The following XKR9 variants were observed in gnomAD, a reference collection of about 807,000 sequenced individuals.
XKR9 encodes XK related 9, also known as XK-related protein 9.
Under a neutral mutation model 32.0 loss-of-function variants are expected in XKR9, and 32 were observed. The ratio of observed to expected loss-of-function variants is 1.00; its 90% CI spans 0.76 to 1.34. XKR9 has a LOEUF of 1.34. XKR9 is among the 40% of genes most tolerant of loss of function. XKR9 has a pLI of 0.00. For missense variants in XKR9, 546 were observed against 429.7 expected (o/e 1.27, Z -2.39); for synonymous variants, 168 against 143.4 (o/e 1.17, Z -1.22).
chr8:70,829,525 T>C, the XKR9 span, among the ~76,000 whole-genome samples: 1 of 152,346 alleles, frequency 6.6e-6, no homozygotes, highest in Middle Eastern at 3.4e-3. Flanking sequence ...CTTGGCTCAC[T>C]GCAAGCTCCG....
At chr8:70,888,200 G>A in the XKR9 span, among the ~76,000 whole-genome samples, 1 of 151,750 alleles carries the variant, frequency 6.6e-6, no homozygotes, top group African/African-American at 2.4e-5. Flanking sequence ...TCTTAGTGAT[G>A]TTGAGCATTT....
the XKR9 span, among the ~76,000 whole-genome samples, chr8:70,953,681 T>C: frequency 6.6e-6 from 1 of 152,104 alleles, no homozygotes; most frequent in Non-Finnish European, 1.5e-5. Flanking sequence ...ACTCTGTGAG[T>C]AGTCTTCCAT....
rs772216324 is a variant in XKR9, at chr8:70,734,094, G to A, written c.792G>A (p.Arg264=). The A allele has an allele frequency of 6.2e-7, 1 of 1,612,664 alleles. No homozygotes were observed. Among genetic ancestry groups the A allele is most frequent in the South Asian group, 1.1e-5 (1 of 90,982 alleles). Reference sequence around the variant, plus strand: ...GTATAAGTATGGAATTCTTATATAGGATTGTTGTTGGATTCATTCTTATCT... The same window carrying A: ...GTATAAGTATGGAATTCTTATATAGAATTGTTGTTGGATTCATTCTTATCT... ...CTCISMEFLY[R]IVVGFILIFT... Residue 264 remains arginine (R), a synonymous_variant, in exon 5 of 5, where the codon AGG becomes AGA. Coordinates refer to ENST00000408926, the MANE Select transcript of XKR9 (RefSeq NM_001011720.2).
chr8:70,960,738 G>T, the XKR9 span, among the ~76,000 whole-genome samples: 1 of 151,978 alleles, frequency 6.6e-6, no homozygotes, highest in Non-Finnish European at 1.5e-5. Flanking sequence ...TGAATGTAGT[G>T]GCAAGTGCCT....
chr8:70,821,582 C>T, the XKR9 span, among the ~76,000 whole-genome samples: 1 of 152,206 alleles, frequency 6.6e-6, no homozygotes, highest in African/African-American at 2.4e-5. Flanking sequence ...CCTAGACATC[C>T]AGGCATTTCC....
chr8:71,037,293 G>A, the XKR9 span, among the ~76,000 whole-genome samples: 2 of 151,912 alleles, frequency 1.3e-5, no homozygotes, highest in Non-Finnish European at 2.9e-5. Flanking sequence ...TCATATTATT[G>A]GAAGTCAATT....
chr8:70,945,301 C>T, the XKR9 span, among the ~76,000 whole-genome samples: 41 of 152,294 alleles, frequency 2.7e-4, no homozygotes, highest in East Asian at 5.4e-3. Flanking sequence ...GGGCATGAGT[C>T]ACCCTATGCC....
At chr8:70,983,393 T>C in the XKR9 span, among the ~76,000 whole-genome samples, 12 of 152,124 alleles carry the variant, frequency 7.9e-5, no homozygotes, top group Non-Finnish European at 1.5e-4. Context: ...AATTTCTTAT[T>C]AAATGTCTGT....
chr8:70,777,982 C>T (rs191149574), intron 2 of XKR9, among the ~76,000 whole-genome samples: 20 of 152,186 alleles, frequency 1.3e-4, no homozygotes, highest in Admixed American at 9.8e-4. Flanking sequence ...TCAATGTTGG[C>T]TTTTGTTGCC....
chr8:70,924,795 G>T, the XKR9 span, among the ~76,000 whole-genome samples: 1 of 152,184 alleles, frequency 6.6e-6, no homozygotes, highest in Non-Finnish European at 1.5e-5. Context: ...ATTGTTAAAA[G>T]TTACATTTCT....
At chr8:70,811,646 G>T in the XKR9 span, among the ~76,000 whole-genome samples, 1 of 152,180 alleles carries the variant, frequency 6.6e-6, no homozygotes, top group African/African-American at 2.4e-5. Flanking sequence ...ACTACCATCA[G>T]AGAATACTAC....
At chr8:71,026,045 A>G in the XKR9 span, among the ~76,000 whole-genome samples, 2 of 152,100 alleles carry the variant, frequency 1.3e-5, no homozygotes, top group Admixed American at 6.5e-5. Context: ...CTTCATTTCT[A>G]TTCACACACC....
chr8:70,788,983 T>G (rs751864141), intron 2 of XKR9, among the ~76,000 whole-genome samples: 2 of 152,046 alleles, frequency 1.3e-5, no homozygotes, highest in Non-Finnish European at 2.9e-5. Flanking sequence ...GTTTCATCTA[T>G]CAAATATGAG....
intron 2 of XKR9, among the ~76,000 whole-genome samples, chr8:70,753,189 C>T (rs868560983): frequency 1.3e-5 from 2 of 152,332 alleles, no homozygotes; most frequent in African/African-American, 2.4e-5. Flanking sequence ...TTCCTCGACA[C>T]ATACACCCTC....
At chr8:70,981,263 C>T in the XKR9 span, among the ~76,000 whole-genome samples, 1 of 152,186 alleles carries the variant, frequency 6.6e-6, no homozygotes, top group Admixed American at 6.5e-5. Flanking sequence ...TTTTCTTTCT[C>T]AGGAACACCA....
the XKR9 span, among the ~76,000 whole-genome samples, chr8:70,982,008 C>T: frequency 6.6e-6 from 1 of 152,196 alleles, no homozygotes; most frequent in African/African-American, 2.4e-5. Flanking sequence ...TCATGTCTTG[C>T]AGCCATGGAT....
the XKR9 span, among the ~76,000 whole-genome samples, chr8:71,046,364 G>A: frequency 3.3e-5 from 5 of 152,334 alleles, no homozygotes; most frequent in South Asian, 1.0e-3. Context: ...TGTGTGGACA[G>A]TATTTCAAGC....
chr8:70,788,074 G>A (rs1446844572), intron 2 of XKR9, among the ~76,000 whole-genome samples: 2 of 152,030 alleles, frequency 1.3e-5, no homozygotes, highest in Admixed American at 1.3e-4. Flanking sequence ...ATTAATTTCA[G>A]TTATCATTAA....
chr8:70,976,628 A>G, the XKR9 span, among the ~76,000 whole-genome samples: 3 of 152,184 alleles, frequency 2.0e-5, no homozygotes, highest in African/African-American at 4.8e-5. Context: ...CCAGTATTTT[A>G]TGGAGGATTT....
Sources: gnomAD v4.1 joint callset for allele counts (sites outside exome capture counted in the v4.1 genomes callset) on GRCh38, gnomAD v4.1.1 for gene constraint, MANE v1.5 for transcripts, NCBI Gene and HGNC (gene_info 2026-07-23, HGNC 2026-07-21) for gene names.